CENPP: variants seen among roughly 807,000 people sequenced by gnomAD.
The protein encoded by CENPP is centromere protein P.
CENPP carries 24 observed loss-of-function variants against 35.6 expected under a neutral mutation model. The ratio of observed to expected loss-of-function variants is 0.67; its 90% confidence interval spans 0.49 to 0.95. The LOEUF (loss-of-function observed/expected upper bound fraction) is 0.95. Among genes scored for constraint, CENPP ranks in the 40% least tolerant of loss-of-function variants. The pLI is 0.00. For synonymous variants in CENPP, 120 were observed against 125.5 expected, an observed-to-expected ratio of 0.96 and a Z score of 0.29; for missense variants, 332 against 345.3, an observed-to-expected ratio of 0.96 and a Z score of 0.31.
chr9:92,396,674 C>T (rs1204803879), intron 5 of CENPP, among the ~76,000 whole-genome samples: 3 of 151,692 alleles, frequency 2.0e-5, no homozygotes, highest in African/African-American at 7.3e-5. Context: ...AAGCGATCCT[C>T]CTGCCTCAGC....
intron 5 of CENPP, among the ~76,000 whole-genome samples, chr9:92,533,303 CAAAAAAAAAAAAAAAAAA>C (rs1174584000): frequency 6.7e-5 from 2 of 29,886 alleles, no homozygotes; most frequent in African/African-American, 2.7e-4. Flanking sequence ...CGGTCTCAAA[CAAAAAAAAAAAAAAAAAA>C]AAAAAAAATA....
At chr9:92,570,456 G>C (rs889658373) in intron 5 of CENPP, among the ~76,000 whole-genome samples, 9 of 152,256 alleles carry the variant, frequency 5.9e-5, no homozygotes, top group East Asian at 5.8e-4. Flanking sequence ...TAAGCTTTTT[G>C]ATGTGCTGCT....
At chr9:92,449,158 A>G (rs1482731333) in intron 5 of CENPP, among the ~76,000 whole-genome samples, 4 of 152,156 alleles carry the variant, frequency 2.6e-5, no homozygotes, top group African/African-American at 4.8e-5. Flanking sequence ...AAAAACAGAT[A>G]CAGGCTGGGT....
rs1850612847 is a variant in CENPP at position 92,589,220 on chromosome 9, T to C, written c.565-22094T>C. Reference sequence around the variant, plus strand: ...TGGGCGTGGTAATGCACACCTGTAGTCCCAGTGCACCGTCACTAGGGAAGC... The same window carrying C: ...TGGGCGTGGTAATGCACACCTGTAGCCCCAGTGCACCGTCACTAGGGAAGC... On this transcript the variant is annotated intron_variant, in intron 5 of 7. Coordinates refer to ENST00000375587, the MANE Select transcript of CENPP (RefSeq NM_001012267.3). 2.6e-5 allele frequency among the ~76,000 whole-genome samples: 4 copies of C among 151,252 alleles called. No homozygotes were observed. In the South Asian group the frequency reaches 8.4e-4, roughly 32 times the overall value.
chr9:92,442,215 T>C (rs1009629032), intron 5 of CENPP, among the ~76,000 whole-genome samples: 5 of 151,354 alleles, frequency 3.3e-5, no homozygotes, highest in African/African-American at 1.2e-4. Context: ...CTGACCAACA[T>C]GGAGAAACCC....
At chr9:92,369,221 GACAA>G (rs1293672395) in intron 4 of CENPP, among the ~76,000 whole-genome samples, 1 of 152,188 alleles carries the variant, frequency 6.6e-6, no homozygotes, top group Non-Finnish European at 1.5e-5. Flanking sequence ...TCAGTCAAGA[GACAA>G]ATAGGAGAGG....
intron 5 of CENPP, among the ~76,000 whole-genome samples, chr9:92,430,283 A>G (rs1844072709): frequency 6.6e-6 from 1 of 151,902 alleles, no homozygotes; most frequent in African/African-American, 2.4e-5. Flanking sequence ...CTTTTGCTTA[A>G]TGACTTCTAG....
At chr9:92,565,907 T>A (rs72754464) in intron 5 of CENPP, among the ~76,000 whole-genome samples, 7,885 of 152,190 alleles carry the variant, frequency 0.052, 241 homozygotes, top group South Asian at 0.1. Context: ...AAAATAATAA[T>A]AATAAAAACA....
At chr9:92,383,812 TC>T (rs1447901801) in intron 5 of CENPP, among the ~76,000 whole-genome samples, 2 of 152,156 alleles carry the variant, frequency 1.3e-5, no homozygotes, top group Non-Finnish European at 2.9e-5. Flanking sequence ...TTGAATTTTT[TC>T]TTAATTTGAG....
Position 92,611,332 on chromosome 9 carries a change from G to C in CENPP, c.583G>C (p.Val195Leu). The C allele has an allele frequency of 6.2e-7, 1 of 1,613,690 alleles. No individual in the cohort carries two copies. The highest frequency in any genetic ancestry group is 2.2e-5 in the East Asian group (1 of 44,844). Residue 195 changes from valine to leucine, a missense_variant, in exon 6 of 8, where the codon GTG becomes CTG. Val to Leu is a conservative substitution (Grantham distance 32). Transcript: ENST00000375587. Reference protein sequence around the residue: ...KHLKEKYPDAVYLSEGPSSCS... With the variant: ...KHLKEKYPDALYLSEGPSSCS... ...CATGCAGGAAAAGTACCCAGATGCC[G>C]TGTACCTCTCGGAGGGGCCCTCCTC...
intron 5 of CENPP, among the ~76,000 whole-genome samples, chr9:92,464,397 C>A (rs1234145776): frequency 6.6e-6 from 1 of 152,228 alleles, no homozygotes; most frequent in Non-Finnish European, 1.5e-5. Context: ...TGTCCTCAGA[C>A]CTTTCTGTGT....
chr9:92,533,317 AAAAAAAAAAAAATATATATATATAT>A (rs1848939629), intron 5 of CENPP, among the ~76,000 whole-genome samples: 1 of 104,802 alleles, frequency 9.5e-6, no homozygotes, highest in African/African-American at 3.8e-5. Flanking sequence ...AAAAAAAAAA[AAAAAAAAAAAAATATATATATATAT>A]ATATATATAT....
At chr9:92,447,744 A>T (rs531604400) in intron 5 of CENPP, among the ~76,000 whole-genome samples, 2 of 152,226 alleles carry the variant, frequency 1.3e-5, no homozygotes, top group African/African-American at 4.8e-5. Context: ...GTAGGGCAGG[A>T]CTTGGCACCT....
chr9:92,389,980 C>T (rs199604965), intron 5 of CENPP: 2 of 1,610,912 alleles, frequency 1.2e-6, no homozygotes, highest in East Asian at 2.2e-5. Flanking sequence ...GTTCTTCTAA[C>T]AGAGAAAGTT....
intron 5 of CENPP, among the ~76,000 whole-genome samples, chr9:92,580,104 T>A (rs982296508): frequency 1.3e-5 from 2 of 152,168 alleles, no homozygotes; most frequent in Non-Finnish European, 2.9e-5. Flanking sequence ...TGGATTACAT[T>A]TATTGATTTG....
At chr9:92,522,052 T>A (rs1848100422) in intron 5 of CENPP, among the ~76,000 whole-genome samples, 1 of 152,126 alleles carries the variant, frequency 6.6e-6, no homozygotes, top group South Asian at 2.1e-4. Flanking sequence ...AAGTTGTTTT[T>A]GGTTTTTTGG....
At chr9:92,380,306 A>G (rs915980667) in intron 5 of CENPP, among the ~76,000 whole-genome samples, 1 of 152,162 alleles carries the variant, frequency 6.6e-6, no homozygotes, top group Non-Finnish European at 1.5e-5. Context: ...CTAAAGCCTG[A>G]TATGGGTACT....
chr9:92,474,128 A>G (rs918043396), intron 5 of CENPP, among the ~76,000 whole-genome samples: 3 of 152,254 alleles, frequency 2.0e-5, no homozygotes, highest in South Asian at 2.1e-4. Flanking sequence ...TTTTAAAAAG[A>G]CTTTATCCAC....
chr9:92,356,339 G>C (rs1841588133), intron 4 of CENPP, among the ~76,000 whole-genome samples: 1 of 152,160 alleles, frequency 6.6e-6, no homozygotes, highest in African/African-American at 2.4e-5. Flanking sequence ...TCTGTTTATA[G>C]GCTCTCTGCA....
Sources: allele counts gnomAD v4.1 joint callset (sites outside exome capture counted in the v4.1 genomes callset), GRCh38; gene constraint gnomAD v4.1.1; transcripts MANE v1.5; gene names NCBI Gene and HGNC (gene_info 2026-07-23, HGNC 2026-07-21).